The following GALNT13 variants were observed in gnomAD, a reference collection of about 807,000 sequenced individuals.
GALNT13 encodes UDP-GalNAc:polypeptide N-acetylgalactosaminyltransferase 13.
In GALNT13, 28 loss-of-function variants were observed where a neutral mutation model predicts 64.2. The ratio of observed to expected loss-of-function variants is 0.44; its 90% CI spans 0.32 to 0.60. GALNT13 has a LOEUF of 0.60. Among genes scored for constraint, GALNT13 ranks in the 20% least tolerant of loss-of-function variants. GALNT13 has a pLI of 0.05. For synonymous variants in GALNT13, 214 were observed against 224.6 expected (o/e 0.95, Z 0.42); for missense variants, 577 against 669.8 (o/e 0.86, Z 1.53).
the GALNT13 span, among the ~76,000 whole-genome samples, chr2:153,799,268 G>C: frequency 6.6e-6 from 1 of 152,162 alleles, no homozygotes; most frequent in Admixed American, 6.6e-5. Context: ...CATTCATCTT[G>C]CTTCATTGAC....
intron 3 of GALNT13, among the ~76,000 whole-genome samples, chr2:154,135,639 G>A (rs898724436): frequency 2.6e-5 from 4 of 152,118 alleles, no homozygotes; most frequent in Admixed American, 2.0e-4. Context: ...GCCAAAGCAA[G>A]TATATACTGA....
chr2:154,107,873 G>C (rs1445906150), intron 3 of GALNT13, among the ~76,000 whole-genome samples: 2 of 151,820 alleles, frequency 1.3e-5, no homozygotes, highest in African/African-American at 4.8e-5. Context: ...GTATATCTAT[G>C]CCTGGCTTAT....
At chr2:154,426,978 CCA>C (rs1206291712) in intron 11 of GALNT13, among the ~76,000 whole-genome samples, 2 of 151,934 alleles carry the variant, frequency 1.3e-5, no homozygotes, top group Admixed American at 1.3e-4. Context: ...GTTATTGAGT[CCA>C]CAAGATTTTT....
chr2:153,278,397 T>C, the GALNT13 span, among the ~76,000 whole-genome samples: 4 of 152,198 alleles, frequency 2.6e-5, no homozygotes, highest in East Asian at 7.7e-4. Flanking sequence ...GCAATTGCTT[T>C]TGAGGACTTA....
Position 154,032,568 on chromosome 2 carries a change from A to G in GALNT13, c.142+87929A>G, listed in dbSNP as rs116917037. On this transcript the variant is annotated intron_variant, in intron 3 of 12. Transcript: ENST00000392825. The stretch of plus-strand genomic sequence containing the variant: ...CATATTAAAAGGATATTATATTATG[A>G]GAAAATTGTATTTATCCAGAAAATC... 2.4e-3 allele frequency among the ~76,000 whole-genome samples: 363 copies of G among 152,098 alleles called. 8 individuals are homozygous for G. In the East Asian group the frequency reaches 0.054, roughly 23 times the overall value.
chr2:153,366,178 T>C, the GALNT13 span, among the ~76,000 whole-genome samples: 1 of 152,048 alleles, frequency 6.6e-6, no homozygotes, highest in Non-Finnish European at 1.5e-5. Flanking sequence ...CACTTGTAAG[T>C]AGGAGTTGTA....
the GALNT13 span, among the ~76,000 whole-genome samples, chr2:153,683,569 T>C: frequency 1.3e-5 from 2 of 151,742 alleles, no homozygotes; most frequent in African/African-American, 4.8e-5. Context: ...AAATCCATTA[T>C]GATTCTTAAG....
At chr2:153,087,843 T>C in the GALNT13 span, among the ~76,000 whole-genome samples, 11 of 152,302 alleles carry the variant, frequency 7.2e-5, no homozygotes, top group East Asian at 5.8e-4. Flanking sequence ...ATTGAACTTA[T>C]TTCGATATTC....
the GALNT13 span, among the ~76,000 whole-genome samples, chr2:153,300,904 C>T: frequency 2.0e-5 from 3 of 152,130 alleles, no homozygotes; most frequent in East Asian, 5.8e-4. Flanking sequence ...TATGATAATT[C>T]ATTAAATTAA....
At chr2:153,764,788 G>T in the GALNT13 span, among the ~76,000 whole-genome samples, 1 of 152,192 alleles carries the variant, frequency 6.6e-6, no homozygotes, top group East Asian at 1.9e-4. Context: ...TTGTGGGCTA[G>T]GCCCAGGGCC....
the GALNT13 span, among the ~76,000 whole-genome samples, chr2:153,218,699 T>G: frequency 6.6e-6 from 1 of 152,222 alleles, no homozygotes; most frequent in Non-Finnish European, 1.5e-5. Flanking sequence ...TTATAAGTAG[T>G]TGTAAACTTT....
intron 3 of GALNT13, among the ~76,000 whole-genome samples, chr2:154,029,234 T>C (rs1048187610): frequency 2.6e-5 from 4 of 151,128 alleles, no homozygotes; most frequent in Admixed American, 6.6e-5. Context: ...AAAGCATCTC[T>C]TCTGATACAG....
At chr2:153,660,619 A>G in the GALNT13 span, among the ~76,000 whole-genome samples, 1 of 151,006 alleles carries the variant, frequency 6.6e-6, no homozygotes, top group Non-Finnish European at 1.5e-5. Flanking sequence ...CATTATATAT[A>G]TATACAACCC....
chr2:153,467,140 T>C, the GALNT13 span, among the ~76,000 whole-genome samples: 3 of 152,052 alleles, frequency 2.0e-5, no homozygotes, highest in Admixed American at 6.6e-5. Context: ...AGCAACATGA[T>C]ATATGTGAAC....
the GALNT13 span, among the ~76,000 whole-genome samples, chr2:153,694,026 T>G: frequency 1.3e-5 from 2 of 152,068 alleles, no homozygotes; most frequent in African/African-American, 4.8e-5. Flanking sequence ...GAGAATGGCG[T>G]GAACCCGGGA....
At chr2:153,348,986 A>C in the GALNT13 span, among the ~76,000 whole-genome samples, 4 of 152,172 alleles carry the variant, frequency 2.6e-5, no homozygotes, top group African/African-American at 9.7e-5. Flanking sequence ...CTTTCCAGAG[A>C]ATGACAAAAC....
At chr2:154,330,044 A>G (rs1429169334) in intron 9 of GALNT13, among the ~76,000 whole-genome samples, 1 of 152,138 alleles carries the variant, frequency 6.6e-6, no homozygotes, top group Non-Finnish European at 1.5e-5. Flanking sequence ...TCAGCCAATT[A>G]GTTCCCAGTA....
At chr2:153,988,178 C>T (rs546643428) in intron 3 of GALNT13, among the ~76,000 whole-genome samples, 1 of 151,570 alleles carries the variant, frequency 6.6e-6, no homozygotes, top group East Asian at 1.9e-4. Context: ...TATGGTAAAA[C>T]ATTTGTAATT....
Position 154,140,503 on chromosome 2 carries a change from A to G in GALNT13, c.309A>G (p.Glu103=). ...LNRSLPDVRL[E]GCKTKVYPDE... ...GAAGTCTGCCAGATGTAAGATTAGA[A>G]GGGTAAGTTTGCATTTGTTATATAA... is the stretch of plus-strand genomic sequence containing the variant. Residue 103 remains glutamate (E), a splice_region_variant and synonymous_variant, in exon 4 of 13, where the codon GAA becomes GAG. Transcript: ENST00000392825. The G allele has an allele frequency of 6.3e-7, 1 of 1,599,992 alleles. No homozygotes were observed. Among genetic ancestry groups the G allele is most frequent in the Non-Finnish European group, 8.5e-7 (1 of 1,170,972 alleles).
Sources: allele counts gnomAD v4.1 joint callset (sites outside exome capture counted in the v4.1 genomes callset), GRCh38; gene constraint gnomAD v4.1.1; transcripts MANE v1.5; gene names NCBI Gene and HGNC (gene_info 2026-07-23, HGNC 2026-07-21).